The following FSCN2 variants were observed in gnomAD, a reference collection of about 807,000 sequenced individuals.
FSCN2 encodes fascin-2.
FSCN2 carries 46 observed loss-of-function variants against 37.8 expected under a neutral mutation model. That is an observed-to-expected ratio of 1.22 (90% CI 0.96 to 1.56). The LOEUF (loss-of-function observed/expected upper bound fraction) is 1.56. Among genes scored for constraint, FSCN2 ranks in the 40% most tolerant of loss-of-function variants. FSCN2 has a pLI of 0.00. For missense variants in FSCN2, 844 were observed against 730.4 expected (o/e 1.16, Z -1.79); for synonymous variants, 351 against 309.4 (o/e 1.13, Z -1.41).
At chr17:81,532,607 GATGGTGATGATA>G (rs1162726357) in intron 1 of FSCN2, among the ~76,000 whole-genome samples, 39 of 146,014 alleles carry the variant, frequency 2.7e-4, no homozygotes, top group South Asian at 8.6e-4. Context: ...TGATGATGGT[GATGGTGATGATA>G]ATGGTGATGA....
At chr17:81,533,924 C>T (rs2032774021) in intron 1 of FSCN2, among the ~76,000 whole-genome samples, 1 of 152,182 alleles carries the variant, frequency 6.6e-6, no homozygotes, top group Admixed American at 6.5e-5. Flanking sequence ...GGCGTTCCCA[C>T]ACCTCTCATG....
intron 2 of FSCN2, 66 bp downstream of exon 2, chr17:81,535,274 C>A (rs2032811650): frequency 2.8e-6 from 3 of 1,081,822 alleles, no homozygotes; most frequent in Non-Finnish European, 3.9e-6. Context: ...CCATCATCAC[C>A]ATCCCCACCA....
chr17:81,525,573 A>C (rs1156694747), upstream of FSCN2, among the ~76,000 whole-genome samples: 1 of 148,736 alleles, frequency 6.7e-6, no homozygotes, highest in African/African-American at 2.5e-5. Flanking sequence ...AATACAAAAA[A>C]AATTAGCTGG....
At chr17:81,531,476 G>GATA in intron 1 of FSCN2, among the ~76,000 whole-genome samples, 1 of 144,610 alleles carries the variant, frequency 6.9e-6, no homozygotes, top group Non-Finnish European at 1.5e-5. Context: ...TGGTGGTGGT[G>GATA]GTGATGGTGA....
intron 1 of FSCN2, among the ~76,000 whole-genome samples, chr17:81,532,374 A>ATGATGG (rs1555671516): frequency 0.052 from 6,686 of 129,048 alleles, 691 homozygotes; most frequent in African/African-American, 0.19. Context: ...GGTGATGGTG[A>ATGATGG]TGATAGTGAT....
Position 81,535,191 on chromosome 17 carries a change from C to A in FSCN2, c.966C>A (p.His322Gln). Residue 322 changes from histidine to glutamine, a missense_variant, in exon 2 of 5, where the codon CAC becomes CAA. Transcript: ENST00000417245. ...CCCTGGTCACCCATGGGGGCATTCA[C>A]GCCACAGCCACACAAGTGTGAGTGC... ...YWTLVTHGGI[H>Q]ATATQVSANT... 2.0e-6 allele frequency: 3 copies of A among 1,532,204 alleles called. No individual in the cohort carries two copies. Among genetic ancestry groups the A allele is most frequent in the Non-Finnish European group, 2.6e-6 (3 of 1,144,646 alleles). The allele number at this position is 1,532,204 out of a possible 1,614,324, so 94.9% of individuals were successfully genotyped here.
the FSCN2 span, among the ~76,000 whole-genome samples, chr17:81,519,586 G>C: frequency 6.6e-6 from 1 of 152,206 alleles, no homozygotes; most frequent in Non-Finnish European, 1.5e-5. Flanking sequence ...GCCTGCCCAG[G>C]AGCGCCAGGA....
At chr17:81,523,388 C>T (rs755025435), upstream of FSCN2, among the ~76,000 whole-genome samples, 2 of 152,220 alleles carry the variant, frequency 1.3e-5, no homozygotes, top group African/African-American at 4.8e-5. Flanking sequence ...AAGTGCGGCC[C>T]CCTCGCCCGT....
intron 1 of FSCN2, among the ~76,000 whole-genome samples, chr17:81,532,752 A>G (rs1360944238): frequency 6.9e-6 from 1 of 144,854 alleles, no homozygotes; most frequent in Non-Finnish European, 1.5e-5. Flanking sequence ...GATGACAGTG[A>G]TGATGGTGAT....
the FSCN2 span, among the ~76,000 whole-genome samples, chr17:81,517,760 G>A: frequency 7.1e-5 from 8 of 113,294 alleles, no homozygotes; most frequent in East Asian, 1.2e-3. Flanking sequence ...AGCTCCGGCC[G>A]CCCCCCCCCC....
rs746891723 is a variant in FSCN2, at chr17:81,536,475, CT to C, written c.1106-146del. The C allele has an allele frequency of 1.2e-5, 19 of 1,522,104 alleles. No individual in the cohort carries two copies. The South Asian group carries it at 2.3e-4, about 18-fold the overall frequency. 94.3% of individuals were successfully genotyped at this position (1,522,104 alleles called of 1,614,324 possible). On this transcript the variant is annotated intron_variant, in intron 3 of 4. Transcript: ENST00000417245. ...CCTTATCTCCGCTGCTGGGAACCCC[CT>C]AGGCGCCTTGCCAAGGCCGCACATG...
chr17:81,531,603 A>G (rs1465646263), intron 1 of FSCN2, among the ~76,000 whole-genome samples: 3 of 97,132 alleles, frequency 3.1e-5, no homozygotes, highest in East Asian at 3.6e-4. Flanking sequence ...GATAGTGATG[A>G]TAATGGTGAT....
the FSCN2 span, among the ~76,000 whole-genome samples, chr17:81,518,224 G>A: frequency 2.0e-5 from 3 of 152,078 alleles, no homozygotes; most frequent in Non-Finnish European, 4.4e-5. Flanking sequence ...CTCCTGGCAT[G>A]CCCCCATGCC....
At position 81,529,017 on chromosome 17, in the gene FSCN2, C is replaced by A; in HGVS notation, c.486C>A (p.Ala162=). 1.3e-6 allele frequency: 2 copies of A among 1,585,680 alleles called. No individual in the cohort carries two copies. The highest frequency in any genetic ancestry group is 1.8e-5 in the Admixed American group (1 of 57,140). ...VHLCPREDEM[A]ADGDKPWGVD... ...TGTGCCCGCGGGAGGACGAGATGGC[C>A]GCAGACGGAGACAAGCCCTGGGGCG... Residue 162 remains alanine, a synonymous_variant, in exon 1 of 5, where the codon GCC becomes GCA. Transcript: ENST00000417245.
Position 81,536,454 on chromosome 17 carries a change from A to G in FSCN2, c.1106-168A>G, listed in dbSNP as rs77208900. ...AAGGGAAACAGGTCTGAATGTCCTT[A>G]TCTCCGCTGCTGGGAACCCCCTAGG... On this transcript the variant is annotated intron_variant, in intron 3 of 4. Transcript: ENST00000417245. 4.9e-4 allele frequency: 731 copies of G among 1,491,002 alleles called. 10 individuals are homozygous for G. In the East Asian group the frequency reaches 0.017, roughly 34 times the overall value. The allele number at this position is 1,491,002 out of a possible 1,614,324, so 92.4% of individuals were successfully genotyped here.
chr17:81,515,103 G>C, the FSCN2 span, among the ~76,000 whole-genome samples: 4 of 151,946 alleles, frequency 2.6e-5, no homozygotes, highest in African/African-American at 9.7e-5. Flanking sequence ...CGGGGATGCG[G>C]GTCTGCCTGT....
At chr17:81,526,265 G>A (rs1350981623), upstream of FSCN2, among the ~76,000 whole-genome samples, 3 of 152,142 alleles carry the variant, frequency 2.0e-5, no homozygotes, top group Non-Finnish European at 2.9e-5. Context: ...TGCCTGGGGT[G>A]GGGGGGACCA....
intron 1 of FSCN2, chr17:81,530,690 C>A (rs1431128693): frequency 2.1e-6 from 1 of 478,432 alleles, no homozygotes. Flanking sequence ...CCTGGGTACA[C>A]TGACACTCTG....
upstream of FSCN2, among the ~76,000 whole-genome samples, chr17:81,524,496 G>T (rs917322032): frequency 5.9e-5 from 9 of 152,358 alleles, no homozygotes; most frequent in African/African-American, 2.2e-4. Flanking sequence ...GGAGCCCTCA[G>T]TGTGGCAGCG....
Sources: gnomAD v4.1 joint callset for allele counts (sites outside exome capture counted in the v4.1 genomes callset) on GRCh38, gnomAD v4.1.1 for gene constraint, MANE v1.5 for transcripts, NCBI Gene and HGNC (gene_info 2026-07-23, HGNC 2026-07-21) for gene names.